The following SLC6A15 variants were observed in gnomAD, a reference collection of about 807,000 sequenced individuals.
SLC6A15 encodes the protein solute carrier family 6 member 15.
In SLC6A15, 33 loss-of-function variants were observed where a neutral mutation model predicts 68.5. The ratio of observed to expected loss-of-function variants is 0.48; its 90% CI spans 0.37 to 0.64. SLC6A15 has a LOEUF of 0.64. Ranked by LOEUF, SLC6A15 falls within the 30% of genes least tolerant of loss-of-function variation. The pLI is 0.00. For missense variants in SLC6A15, 747 were observed against 874.3 expected (o/e 0.85, Z 1.84); for synonymous variants, 347 against 301.0 (o/e 1.15, Z -1.58).
chr12:84,909,432 G>T (rs1873335628), intron 1 of SLC6A15, among the ~76,000 whole-genome samples: 1 of 152,138 alleles, frequency 6.6e-6, no homozygotes, highest in Non-Finnish European at 1.5e-5. Context: ...CAGAAAAAGA[G>T]ATGATCATTA....
chr12:84,906,814 TA>T (rs1228310964), intron 1 of SLC6A15, among the ~76,000 whole-genome samples: 1 of 152,076 alleles, frequency 6.6e-6, no homozygotes, highest in Non-Finnish European at 1.5e-5. Flanking sequence ...GTGGAAAATA[TA>T]AAACTTTAAG....
intron 11 of SLC6A15, among the ~76,000 whole-genome samples, chr12:84,862,321 AAAG>A (rs1164617549): frequency 5.3e-5 from 8 of 152,214 alleles, no homozygotes; most frequent in Non-Finnish European, 8.8e-5. Flanking sequence ...CCAGGCAAGA[AAAG>A]AAGAAGAACT....
chr12:84,903,098 A>G (rs1872962347), intron 1 of SLC6A15, among the ~76,000 whole-genome samples: 1 of 152,242 alleles, frequency 6.6e-6, no homozygotes, highest in Non-Finnish European at 1.5e-5. Context: ...CTCCATGTGC[A>G]CCCTTCTGTG....
chr12:84,861,583 G>T lies in SLC6A15; in HGVS notation c.*49C>A. ...TAATGCTTCTCCTACTAGGGCCAATGTTCATTGGTAAAAATGAACCAAATA... is the reference window on the plus strand; with the variant it reads ...TAATGCTTCTCCTACTAGGGCCAATTTTCATTGGTAAAAATGAACCAAATA... On this transcript the variant is annotated 3_prime_UTR_variant, in exon 12 of 12. Coordinates refer to ENST00000266682, the MANE Select transcript of SLC6A15 (RefSeq NM_182767.6). 1 of 1,544,320 alleles carries T rather than the reference G, an allele frequency of 6.5e-7. No individual in the cohort carries two copies. The highest frequency in any genetic ancestry group is 8.7e-7 in the Non-Finnish European group (1 of 1,144,602).
At chr12:84,887,152 T>A (rs1425300167) in intron 2 of SLC6A15, among the ~76,000 whole-genome samples, 1 of 152,234 alleles carries the variant, frequency 6.6e-6, no homozygotes, top group Non-Finnish European at 1.5e-5. Context: ...TTTTTTAATC[T>A]GCAGTTTTGT....
chr12:84,899,679 T>C (rs1388526654), intron 1 of SLC6A15, among the ~76,000 whole-genome samples: 2 of 152,182 alleles, frequency 1.3e-5, no homozygotes, highest in Non-Finnish European at 2.9e-5. Context: ...AAACTACTGC[T>C]ATATTTCCAT....
chr12:84,911,145 C>T (rs1200160907), intron 1 of SLC6A15, among the ~76,000 whole-genome samples: 1 of 152,118 alleles, frequency 6.6e-6, no homozygotes, highest in African/African-American at 2.4e-5. Flanking sequence ...GCTGTGTCTG[C>T]ACATAATAAT....
intron 1 of SLC6A15, among the ~76,000 whole-genome samples, chr12:84,907,947 T>C (rs1425844798): frequency 6.6e-6 from 1 of 152,212 alleles, no homozygotes; most frequent in Admixed American, 6.5e-5. Context: ...TTGAATACTG[T>C]ATGATTACAT....
intron 6 of SLC6A15, 88 bp from the exon 7 acceptor site, chr12:84,873,416 A>G (rs1871377444): frequency 6.9e-7 from 1 of 1,441,818 alleles, no homozygotes; most frequent in Non-Finnish European, 9.4e-7. Flanking sequence ...TATGGAGTAT[A>G]CAATGATATT....
chr12:84,870,620 T>A lies in SLC6A15; in HGVS notation c.1353A>T (p.Thr451=). 6.2e-7 allele frequency: 1 copy of A among 1,612,304 alleles called. No individual in the cohort carries two copies. Among genetic ancestry groups the A allele is most frequent in the Non-Finnish European group, 8.5e-7 (1 of 1,179,108 alleles). Residue 451 remains threonine, a synonymous_variant, in exon 9 of 12, where the codon ACA becomes ACT. Coordinates refer to ENST00000266682, the MANE Select transcript of SLC6A15 (RefSeq NM_182767.6). ...LAFIAFTEAM[T]HFPASPFWSV... ...ACCAGAAGGGAGATGCAGGAAAATG[T>A]GTCATCGCTTCTGTAAAGGCAATAA...
chr12:84,884,989 T>G (rs1048141828), intron 4 of SLC6A15, among the ~76,000 whole-genome samples: 2 of 151,910 alleles, frequency 1.3e-5, no homozygotes, highest in Non-Finnish European at 2.9e-5. Flanking sequence ...TATAGGTGAC[T>G]GCTCTTTATA....
Position 84,861,910 on chromosome 12 carries a change from CA to C in SLC6A15, c.1914del (p.Ile638MetfsTer8), listed in dbSNP as rs1409439744. ...FAILPVPVVF[I>X]VRRFNLIDDS... ...TCATCTATAAGGTTGAAGCGACGAA[CA>C]ATGAAAACTACAGGGACTGGGAGTA... On this transcript the variant is annotated frameshift_variant, in exon 12 of 12. Transcript: ENST00000266682. LOFTEE classifies it high-confidence loss of function. 16 of 1,613,922 alleles carry C rather than the reference CA, an allele frequency of 9.9e-6. No individual in the cohort carries two copies. Among genetic ancestry groups the C allele is most frequent in the Non-Finnish European group, 1.4e-5 (16 of 1,179,900 alleles).
intron 9 of SLC6A15, among the ~76,000 whole-genome samples, chr12:84,869,259 ACC>A (rs112830140): frequency 1.3e-5 from 2 of 152,146 alleles, no homozygotes; most frequent in African/African-American, 4.8e-5. Flanking sequence ...GGAGATTGAG[ACC>A]ATCCTGGCTA....
At chr12:84,891,738 T>C in intron 2 of SLC6A15, 94 bp downstream of exon 2, 1 of 1,290,160 alleles carries the variant, frequency 7.8e-7, no homozygotes, top group Non-Finnish European at 1.1e-6. Flanking sequence ...AATTGAAAGT[T>C]TCAAAAATAA....
chr12:84,899,794 T>A (rs912338897), intron 1 of SLC6A15, among the ~76,000 whole-genome samples: 3 of 152,170 alleles, frequency 2.0e-5, no homozygotes, highest in Non-Finnish European at 4.4e-5. Flanking sequence ...TCATTTTTTG[T>A]ATCGCTTTAG....
intron 5 of SLC6A15, chr12:84,883,533 A>T: frequency 7.7e-7 from 1 of 1,296,726 alleles, no homozygotes; most frequent in East Asian, 3.1e-5. Flanking sequence ...AATTTAACTA[A>T]TTGGTAATTA....
chr12:84,883,695 A>C (rs752809504), intron 5 of SLC6A15, 164 bp downstream of exon 5: 1 of 1,543,302 alleles, frequency 6.5e-7, no homozygotes, highest in Non-Finnish European at 8.7e-7. Flanking sequence ...TGTCTTTTTA[A>C]AAATGTAAGC....
chr12:84,882,600 G>T, intron 5 of SLC6A15: 1 of 368,320 alleles, frequency 2.7e-6, no homozygotes, highest in Non-Finnish European at 3.8e-6. Flanking sequence ...AGGACGGGGT[G>T]AGACATTATA....
intron 2 of SLC6A15, among the ~76,000 whole-genome samples, chr12:84,888,260 T>C (rs1375979632): frequency 1.8e-5 from 2 of 109,176 alleles, no homozygotes; most frequent in African/African-American, 9.4e-5. Context: ...TGAGACCTTG[T>C]CGAAAAAAAA....
Sources: allele counts gnomAD v4.1 joint callset (sites outside exome capture counted in the v4.1 genomes callset), GRCh38; gene constraint gnomAD v4.1.1; transcripts MANE v1.5; gene names NCBI Gene and HGNC (gene_info 2026-07-23, HGNC 2026-07-21).